Variants in FAXC observed in about 807,000 individuals in gnomAD.
FAXC encodes failed axon connections homolog.
Under a neutral mutation model 41.9 loss-of-function variants are expected in FAXC, and 10 were observed. The observed-to-expected ratio is 0.24, with a 90% CI of 0.15 to 0.41. The LOEUF (loss-of-function observed/expected upper bound fraction) is 0.41, where lower values mean the gene tolerates loss of function less well. Ranked by LOEUF, FAXC falls within the 10% of genes least tolerant of loss-of-function variation. The probability of loss-of-function intolerance (pLI) is 1.00; values close to 1 mark genes in which losing one functional copy is unlikely to be tolerated. For synonymous variants in FAXC, 183 were observed against 183.8 expected (o/e 1.00, Z 0.03); for missense variants, 399 against 510.9 (o/e 0.78, Z 2.11).
chr6:99,273,939 CTA>C lies in FAXC; in HGVS notation c.*7223_*7224del, dbSNP rs1770507478. ...GGAGGGGCATGCTCAGAAAGTTTTA[CTA>C]ATAGGGTGAATAAACATAAACGTTT... On this transcript the variant is annotated 3_prime_UTR_variant, in exon 6 of 6. Transcript: ENST00000389677. 6.6e-6 allele frequency: 1 copy of C among 151,942 alleles called. No homozygotes were observed. Among genetic ancestry groups the C allele is most frequent in the Non-Finnish European group, 1.5e-5 (1 of 68,000 alleles). The allele number at this position is 151,942 out of a possible 1,614,324, so 9.4% of individuals were successfully genotyped here. A position where few individuals can be genotyped will look rare whatever the true frequency, so the allele number is the denominator to read the frequency against.
intron 4 of FAXC, among the ~76,000 whole-genome samples, chr6:99,298,352 A>G (rs1241174617): frequency 1.3e-5 from 2 of 151,914 alleles, no homozygotes; most frequent in African/African-American, 4.8e-5. Flanking sequence ...TTCCAGGCAT[A>G]CAGCACCACA....
upstream of FAXC, chr6:99,349,942 C>G (rs1773750107): frequency 6.6e-6 from 1 of 152,158 alleles, no homozygotes; most frequent in Admixed American, 6.6e-5. Context: ...CGGTCCTCCC[C>G]TACCCCGGCC....
intron 3 of FAXC, among the ~76,000 whole-genome samples, chr6:99,327,874 T>A (rs1457552990): frequency 6.6e-6 from 1 of 152,122 alleles, no homozygotes; most frequent in African/African-American, 2.4e-5. Context: ...TCCAACTCTA[T>A]AAACACTGCA....
At chr6:99,306,428 G>A (rs1771923936) in intron 4 of FAXC, among the ~76,000 whole-genome samples, 1 of 152,204 alleles carries the variant, frequency 6.6e-6, no homozygotes, top group Non-Finnish European at 1.5e-5. Flanking sequence ...ATGCTGGGTT[G>A]TTGGGAGGAT....
chr6:99,334,887 C>T (rs1281120306), intron 2 of FAXC, among the ~76,000 whole-genome samples: 4 of 152,164 alleles, frequency 2.6e-5, no homozygotes, highest in African/African-American at 9.7e-5. Flanking sequence ...CTATCTAAGT[C>T]CCTCTGGTCT....
At chr6:99,338,547 G>A (rs770154606) in intron 2 of FAXC, among the ~76,000 whole-genome samples, 71 of 152,186 alleles carry the variant, frequency 4.7e-4, no homozygotes, top group Admixed American at 9.2e-4. Flanking sequence ...GTTCTTGAAA[G>A]TAATCAGAGA....
chr6:99,328,027 G>C (rs746364480), intron 3 of FAXC, among the ~76,000 whole-genome samples: 1 of 152,096 alleles, frequency 6.6e-6, no homozygotes, highest in Non-Finnish European at 1.5e-5. Context: ...TAAGAGTAAT[G>C]CTTCTTAGAG....
At chr6:99,325,294 T>G (rs568634900) in intron 3 of FAXC, among the ~76,000 whole-genome samples, 1 of 152,276 alleles carries the variant, frequency 6.6e-6, no homozygotes, top group South Asian at 2.1e-4. Flanking sequence ...GAAATAGATT[T>G]CTCTAAAATT....
At chr6:99,342,449 A>G (rs559705633) in intron 2 of FAXC, among the ~76,000 whole-genome samples, 1 of 151,094 alleles carries the variant, frequency 6.6e-6, no homozygotes, top group Admixed American at 6.6e-5. Flanking sequence ...GGTTCAAGTG[A>G]TTCTCCTGCC....
intron 5 of FAXC, among the ~76,000 whole-genome samples, chr6:99,285,996 G>C (rs899737437): frequency 6.6e-6 from 1 of 152,190 alleles, no homozygotes; most frequent in African/African-American, 2.4e-5. Flanking sequence ...TGAGAGAGAA[G>C]CATGCCAATG....
At chr6:99,309,458 A>G (rs1772073457) in intron 4 of FAXC, among the ~76,000 whole-genome samples, 2 of 152,136 alleles carry the variant, frequency 1.3e-5, no homozygotes. Flanking sequence ...TAATTTTTTC[A>G]TTTTCATGAA....
intron 3 of FAXC, among the ~76,000 whole-genome samples, 161 bp downstream of exon 3, chr6:99,333,190 C>T (rs1261972578): frequency 1.3e-5 from 2 of 152,190 alleles, no homozygotes; most frequent in African/African-American, 4.8e-5. Flanking sequence ...TCTAGGTAAC[C>T]AGAAACTTCA....
rs142666629 is a variant in FAXC at position 99,331,065 on chromosome 6, C to T, written c.599+2286G>A. 3.9e-4 allele frequency among the ~76,000 whole-genome samples: 59 copies of T among 152,290 alleles called. No individual in the cohort carries two copies. In the East Asian group the frequency reaches 8.7e-3, roughly 22 times the overall value. Reference sequence around the variant, plus strand: ...AGAAACAGATTTGTTTTTCCTTCTGCTACTAGGGACTAAATAGAACTGTGG... The same window carrying T: ...AGAAACAGATTTGTTTTTCCTTCTGTTACTAGGGACTAAATAGAACTGTGG... On this transcript the variant is annotated intron_variant, in intron 3 of 5. Coordinates refer to ENST00000389677, the MANE Select transcript of FAXC (RefSeq NM_032511.4).
Position 99,342,954 on chromosome 6 carries a change from A to G in FAXC, c.346T>C (p.Ser116Pro). ...GTTTCCATCTTTAAACAGAAAGGAG[A>G]TAAACTTGGAACACCATTGTTAGGT... ...ARPNNGVPSLSPFCLKMETYL... is the reference protein window; with the variant it reads ...ARPNNGVPSLPPFCLKMETYL... The change falls in exon 2 of 6, where the codon TCT (serine) becomes CCT (proline). Residue 116 changes from serine to proline, a missense_variant. By Grantham distance (74) the Ser-to-Pro change is moderately conservative. Coordinates refer to ENST00000389677, the MANE Select transcript of FAXC (RefSeq NM_032511.4). 6.2e-7 allele frequency: 1 copy of G among 1,612,912 alleles called. No homozygotes were observed. The highest frequency in any genetic ancestry group is 8.5e-7 in the Non-Finnish European group (1 of 1,179,592).
intron 5 of FAXC, among the ~76,000 whole-genome samples, chr6:99,283,304 T>G (rs1770904222): frequency 6.6e-6 from 1 of 152,246 alleles, no homozygotes; most frequent in African/African-American, 2.4e-5. Flanking sequence ...GTAACTTCTT[T>G]CAGTATTTTT....
At chr6:99,346,262 T>A (rs1773588383) in intron 1 of FAXC, among the ~76,000 whole-genome samples, 2 of 152,206 alleles carry the variant, frequency 1.3e-5, no homozygotes, top group Non-Finnish European at 2.9e-5. Context: ...TTTTTCCCTT[T>A]GCCCCTCCAC....
In FAXC at chr6:99,348,703, T is replaced by C. The variant is rs72917399; in HGVS notation, c.266+404A>G. On this transcript the variant is annotated intron_variant, in intron 1 of 5. Transcript: ENST00000389677. ...TGACATTTAGGGAAGAACTAACCTT[T>C]AGGTAAAAGATAAGGTTAGCAGTTA... Among the ~76,000 whole-genome samples, 953 of 152,336 alleles carry C rather than the reference T, an allele frequency of 6.3e-3. 7 individuals carry two copies. The highest frequency in any genetic ancestry group is 9.7e-3 in the Non-Finnish European group (659 of 68,028).
At chr6:99,296,679 C>T (rs1198108952) in intron 4 of FAXC, among the ~76,000 whole-genome samples, 3 of 152,080 alleles carry the variant, frequency 2.0e-5, no homozygotes, top group African/African-American at 7.2e-5. Context: ...ACTTCAGGTT[C>T]CCGCAGTGAC....
chr6:99,302,462 C>G (rs1771750653), intron 4 of FAXC, among the ~76,000 whole-genome samples: 1 of 152,172 alleles, frequency 6.6e-6, no homozygotes, highest in African/African-American at 2.4e-5. Context: ...TCAAGACCAG[C>G]CTGGCCAACA....
Sources: gnomAD v4.1 joint callset for allele counts (sites outside exome capture counted in the v4.1 genomes callset) on GRCh38, gnomAD v4.1.1 for gene constraint, MANE v1.5 for transcripts, NCBI Gene and HGNC (gene_info 2026-07-23, HGNC 2026-07-21) for gene names.